LEF1: variants seen among roughly 807,000 people sequenced by gnomAD.
LEF1 encodes the protein lymphoid enhancer binding factor 1.
A neutral mutation model predicts 51.2 loss-of-function variants in LEF1; 14 were observed. That is an observed-to-expected ratio of 0.27 (90% CI 0.18 to 0.43). The LOEUF is 0.43. LEF1 is among the 20% of genes least tolerant of loss of function. The pLI, the probability that LEF1 is intolerant of heterozygous loss-of-function variation, is 1.00. For synonymous variants in LEF1, 185 were observed against 183.2 expected (o/e 1.01, Z -0.08); for missense variants, 386 against 512.0 (o/e 0.75, Z 2.37).
chr4:108,156,135 G>A (rs937686834), intron 3 of LEF1, among the ~76,000 whole-genome samples: 6 of 152,132 alleles, frequency 3.9e-5, no homozygotes, highest in Non-Finnish European at 7.4e-5. Context: ...TCCATCTCAA[G>A]AATCCTTCTG....
At chr4:108,165,736 G>A (rs1745344264) in intron 1 of LEF1, among the ~76,000 whole-genome samples, 1 of 152,216 alleles carries the variant, frequency 6.6e-6, no homozygotes, top group East Asian at 1.9e-4. Context: ...TACAAAAGTA[G>A]AACGATTCTG....
At position 108,083,121 on chromosome 4, in the gene LEF1, C is replaced by T. The variant is rs558161884; in HGVS notation, c.638+235G>A. Reference sequence around the variant, plus strand: ...AGGGAATCCATAAAACTATAAGCTTCAAAGCAAATGCTACAGTCATTTTCT... The same window carrying T: ...AGGGAATCCATAAAACTATAAGCTTTAAAGCAAATGCTACAGTCATTTTCT... On this transcript the variant is annotated intron_variant, in intron 5 of 11. Coordinates refer to ENST00000265165, the MANE Select transcript of LEF1 (RefSeq NM_016269.5). The T allele has an allele frequency of 1.6e-4, 85 of 527,188 alleles. No individual in the cohort carries two copies. The South Asian group carries it at 1.8e-3, about 11-fold the overall frequency. 32.7% of individuals were successfully genotyped at this position (527,188 alleles called of 1,614,324 possible). A position where few individuals can be genotyped will look rare whatever the true frequency, so the allele number is the denominator to read the frequency against.
At chr4:108,122,546 A>T (rs1742244026) in intron 3 of LEF1, among the ~76,000 whole-genome samples, 1 of 152,108 alleles carries the variant, frequency 6.6e-6, no homozygotes, top group South Asian at 2.1e-4. Flanking sequence ...GGTTCACTGC[A>T]GCCTCACTGC....
chr4:108,129,883 T>A, intron 3 of LEF1, among the ~76,000 whole-genome samples: 1 of 152,216 alleles, frequency 6.6e-6, no homozygotes, highest in Admixed American at 6.5e-5. Flanking sequence ...GGAATCACAC[T>A]GTGTATGCTT....
chr4:108,063,703 G>A (rs904819487), intron 10 of LEF1, 40 bp from the exon 11 acceptor site: 10 of 1,436,308 alleles, frequency 7.0e-6, no homozygotes, highest in Non-Finnish European at 9.6e-6. Context: ...TTATTGAAGA[G>A]GTTTTTGTAC....
At chr4:108,164,870 C>T (rs1212840727) in intron 2 of LEF1, among the ~76,000 whole-genome samples, 8 of 152,010 alleles carry the variant, frequency 5.3e-5, no homozygotes, top group Admixed American at 2.6e-4. Flanking sequence ...AATCTGGAAC[C>T]CACCTGAAAT....
At chr4:108,065,278 A>G (rs1405502823) in intron 9 of LEF1, among the ~76,000 whole-genome samples, 1 of 152,174 alleles carries the variant, frequency 6.6e-6, no homozygotes, top group Non-Finnish European at 1.5e-5. Context: ...CGAGGTCAGG[A>G]GTTCAAGACT....
intron 3 of LEF1, among the ~76,000 whole-genome samples, chr4:108,131,837 G>A (rs558692928): frequency 1.1e-4 from 17 of 152,318 alleles, no homozygotes; most frequent in Admixed American, 1.1e-3. Flanking sequence ...AAGGTGCGTT[G>A]TATAGGGTAT....
chr4:108,083,324 T>C (rs773269278), intron 5 of LEF1, 32 bp downstream of exon 5: 11 of 1,399,490 alleles, frequency 7.9e-6, no homozygotes, highest in Non-Finnish European at 4.1e-6. Flanking sequence ...TGTGTTCAAA[T>C]GCCTGGCTGA....
intron 7 of LEF1, chr4:108,078,588 T>A: frequency 1.7e-6 from 1 of 601,978 alleles, no homozygotes; most frequent in East Asian, 2.9e-5. Context: ...CAATAGGGCT[T>A]CCTATCTACT....
intron 3 of LEF1, among the ~76,000 whole-genome samples, chr4:108,133,114 C>T (rs1743008022): frequency 6.6e-6 from 1 of 152,138 alleles, no homozygotes; most frequent in African/African-American, 2.4e-5. Context: ...GCTGGGATTA[C>T]AGCCACACAC....
intron 9 of LEF1, among the ~76,000 whole-genome samples, chr4:108,066,571 G>A (rs1268025756): frequency 3.3e-5 from 5 of 152,244 alleles, no homozygotes. Flanking sequence ...AGCACACAGT[G>A]ACCAACTGAG....
intron 3 of LEF1, among the ~76,000 whole-genome samples, chr4:108,124,284 A>G (rs755858159): frequency 1.3e-5 from 2 of 152,222 alleles, no homozygotes; most frequent in Non-Finnish European, 2.9e-5. Flanking sequence ...AAATATTCAC[A>G]TATATGAAAA....
Position 108,077,656 on chromosome 4 carries a change from G to A in LEF1, c.1008+564C>T, listed in dbSNP as rs567288749. 2.5e-3 allele frequency among the ~76,000 whole-genome samples: 356 copies of A among 141,512 alleles called. 3 individuals are homozygous for A. Among genetic ancestry groups the A allele is most frequent in the Non-Finnish European group, 4.6e-3 (295 of 64,442 alleles). 92.8% of individuals were successfully genotyped at this position (141,512 alleles called of 152,430 possible). A position where few individuals can be genotyped will look rare whatever the true frequency, so the allele number is the denominator to read the frequency against. ...GGCGCCTCTGCCCGGCTGCCGCCCCGTCTGGGAAGTGAGGGGCGCTTCTGC... is the reference window on the plus strand; with the variant it reads ...GGCGCCTCTGCCCGGCTGCCGCCCCATCTGGGAAGTGAGGGGCGCTTCTGC... On this transcript the variant is annotated intron_variant, in intron 8 of 11. Coordinates refer to ENST00000265165, the MANE Select transcript of LEF1 (RefSeq NM_016269.5).
At chr4:108,109,783 G>A (rs2110311494) in intron 3 of LEF1, among the ~76,000 whole-genome samples, 1 of 152,282 alleles carries the variant, frequency 6.6e-6, no homozygotes, top group South Asian at 2.1e-4. Context: ...TATACATAGA[G>A]ATGGTTTTTT....
intron 3 of LEF1, among the ~76,000 whole-genome samples, chr4:108,112,936 A>G (rs1578358147): frequency 6.6e-6 from 1 of 152,198 alleles, no homozygotes; most frequent in African/African-American, 2.4e-5. Context: ...CATTAAGTAC[A>G]CCATTAGACA....
intron 3 of LEF1, among the ~76,000 whole-genome samples, chr4:108,140,365 C>T (rs1743563614): frequency 6.6e-6 from 1 of 152,172 alleles, no homozygotes; most frequent in African/African-American, 2.4e-5. Context: ...TGCACTTGTC[C>T]TCCGTGTTTC....
rs1293460346 is a variant in LEF1 at position 108,162,090 on chromosome 4, C to CT, written c.414+1477dup. On this transcript the variant is annotated intron_variant, in intron 3 of 11. Transcript: ENST00000265165. ...GCCTCTAAATATTAAACTATTTTTG[C>CT]TTTTTTAAATTACTTTTTAAGTAGG... Among the ~76,000 whole-genome samples the CT allele has an allele frequency of 3.9e-5, 6 of 152,132 alleles. No homozygotes were observed. The East Asian group carries it at 1.2e-3, about 29-fold the overall frequency.
intron 3 of LEF1, among the ~76,000 whole-genome samples, chr4:108,145,500 G>GTA (rs1412240633): frequency 6.6e-6 from 1 of 152,198 alleles, no homozygotes. Context: ...AGGGCTTGCA[G>GTA]TAAAATAAAT....
Sources: gnomAD v4.1 joint callset for allele counts (sites outside exome capture counted in the v4.1 genomes callset) on GRCh38, gnomAD v4.1.1 for gene constraint, MANE v1.5 for transcripts, NCBI Gene and HGNC (gene_info 2026-07-23, HGNC 2026-07-21) for gene names.